The following UMAD1 variants were observed in gnomAD, a reference collection of about 807,000 sequenced individuals.
UMAD1 encodes UBAP1-MVB12-associated (UMA) domain containing 1, also known as UBAP1-MVB12-associated (UMA)-domain containing protein 1.
In UMAD1, 8 loss-of-function variants were observed where a neutral mutation model predicts 6.1. That is an observed-to-expected ratio of 1.30 (90% CI 0.76 to 2.35). The LOEUF (loss-of-function observed/expected upper bound fraction) is 2.35. Ranked by LOEUF, UMAD1 falls within the 30% of genes most tolerant of loss-of-function variation. The pLI is 0.00. For synonymous variants in UMAD1, 56 were observed against 31.4 expected (o/e 1.78, Z -2.61); for missense variants, 130 against 78.4 (o/e 1.66, Z -2.49).
intron 2 of UMAD1, among the ~76,000 whole-genome samples, chr7:7,780,558 C>T (rs984806183): frequency 5.9e-5 from 9 of 152,152 alleles, no homozygotes; most frequent in Admixed American, 1.3e-4. Flanking sequence ...CACAAAATGT[C>T]GTTAGCGTCC....
chr7:7,671,537 C>T (rs751788474), intron 1 of UMAD1, among the ~76,000 whole-genome samples: 3 of 152,096 alleles, frequency 2.0e-5, no homozygotes, highest in Non-Finnish European at 4.4e-5. Flanking sequence ...TTTAACTGTT[C>T]GAGGTTGAAA....
At chr7:7,848,951 T>G (rs939593838) in intron 3 of UMAD1, among the ~76,000 whole-genome samples, 1 of 152,184 alleles carries the variant, frequency 6.6e-6, no homozygotes, top group African/African-American at 2.4e-5. Context: ...TCTTAAAGTA[T>G]TATTGTTCTA....
chr7:7,656,825 T>C (rs1205020468), intron 1 of UMAD1, among the ~76,000 whole-genome samples: 1 of 152,230 alleles, frequency 6.6e-6, no homozygotes, highest in Non-Finnish European at 1.5e-5. Flanking sequence ...TTTGGGTATA[T>C]ACCCAGTAAT....
chr7:7,790,437 A>C (rs1280754375), intron 2 of UMAD1, among the ~76,000 whole-genome samples: 1 of 152,202 alleles, frequency 6.6e-6, no homozygotes, highest in Non-Finnish European at 1.5e-5. Flanking sequence ...CCCAACTAAA[A>C]GTCTCATAAA....
At chr7:7,723,817 A>G (rs374687221) in intron 2 of UMAD1, among the ~76,000 whole-genome samples, 2 of 152,218 alleles carry the variant, frequency 1.3e-5, no homozygotes, top group Non-Finnish European at 2.9e-5. Context: ...GCAAAGCAAC[A>G]ATCAGAATAG....
intron 2 of UMAD1, among the ~76,000 whole-genome samples, chr7:7,727,806 G>A (rs1781169267): frequency 6.6e-6 from 1 of 152,118 alleles, no homozygotes; most frequent in Non-Finnish European, 1.5e-5. Context: ...ACTTGAACTG[G>A]CTTCCTTGCT....
intron 1 of UMAD1, among the ~76,000 whole-genome samples, chr7:7,646,454 T>C (rs1272110182): frequency 6.6e-6 from 1 of 150,848 alleles, no homozygotes; most frequent in Non-Finnish European, 1.5e-5. Flanking sequence ...TCTGATGGCT[T>C]TATAAGGGGA....
chr7:7,692,954 T>A (rs1008632240), intron 2 of UMAD1, among the ~76,000 whole-genome samples: 3 of 152,216 alleles, frequency 2.0e-5, no homozygotes, highest in Admixed American at 2.0e-4. Context: ...CTTTTTGTTA[T>A]GTATATTTTA....
At chr7:7,644,002 C>G (rs901756465) in intron 1 of UMAD1, among the ~76,000 whole-genome samples, 2 of 152,092 alleles carry the variant, frequency 1.3e-5, no homozygotes, top group African/African-American at 4.8e-5. Context: ...TAACTTGGAT[C>G]TCTGCCACTA....
intron 2 of UMAD1, among the ~76,000 whole-genome samples, chr7:7,795,100 C>A (rs1782648041): frequency 1.3e-5 from 2 of 152,206 alleles, no homozygotes; most frequent in African/African-American, 4.8e-5. Flanking sequence ...CCAATATATA[C>A]CTTACATGTA....
At chr7:7,753,839 A>G (rs1221947030) in intron 2 of UMAD1, among the ~76,000 whole-genome samples, 1 of 152,100 alleles carries the variant, frequency 6.6e-6, no homozygotes, top group African/African-American at 2.4e-5. Context: ...TAGTTTTTTG[A>G]GGTACCTCCA....
chr7:7,702,477 A>G (rs1053523246), intron 2 of UMAD1, among the ~76,000 whole-genome samples: 4 of 152,088 alleles, frequency 2.6e-5, no homozygotes, highest in African/African-American at 9.7e-5. Context: ...TTTCAAGTAC[A>G]CTCCAATAGC....
intron 3 of UMAD1, among the ~76,000 whole-genome samples, chr7:7,866,565 A>G (rs1379231708): frequency 1.3e-5 from 2 of 152,224 alleles, no homozygotes; most frequent in Non-Finnish European, 2.9e-5. Flanking sequence ...TCAGAACTAA[A>G]GAGAAAGTGT....
intron 2 of UMAD1, among the ~76,000 whole-genome samples, chr7:7,783,030 A>G (rs942942047): frequency 1.8e-4 from 27 of 152,128 alleles, no homozygotes; most frequent in Non-Finnish European, 4.4e-5. Flanking sequence ...ATCGTGCCCA[A>G]CCTAGTGTAT....
At chr7:7,706,418 G>T (rs1458264770) in intron 2 of UMAD1, among the ~76,000 whole-genome samples, 1 of 152,078 alleles carries the variant, frequency 6.6e-6, no homozygotes, top group Non-Finnish European at 1.5e-5. Flanking sequence ...CAGAGCATGG[G>T]AACTGTACTA....
At chr7:7,683,114 C>T (rs2115124835) in intron 2 of UMAD1, among the ~76,000 whole-genome samples, 1 of 152,310 alleles carries the variant, frequency 6.6e-6, no homozygotes, top group Non-Finnish European at 1.5e-5. Context: ...TACTCAGAGG[C>T]AGAACTGAGC....
intron 2 of UMAD1, chr7:7,772,592 A>T (rs1782122765): frequency 6.6e-6 from 1 of 152,238 alleles, no homozygotes; most frequent in Non-Finnish European, 1.5e-5. Flanking sequence ...GGCTTGAAAA[A>T]ATTGGCTTTG....
At chr7:7,664,376 C>G (rs964223178) in intron 1 of UMAD1, among the ~76,000 whole-genome samples, 17 of 152,138 alleles carry the variant, frequency 1.1e-4, no homozygotes, top group African/African-American at 4.1e-4. Flanking sequence ...TACATTTAAT[C>G]TCTCTTAAAT....
At chr7:7,744,930 G>A (rs1457641066) in intron 2 of UMAD1, among the ~76,000 whole-genome samples, 7 of 152,080 alleles carry the variant, frequency 4.6e-5, no homozygotes, top group Admixed American at 4.6e-4. Flanking sequence ...TGACCCCTGT[G>A]CACAGTCGGA....
Sources: gnomAD v4.1 joint callset for allele counts (sites outside exome capture counted in the v4.1 genomes callset) on GRCh38, gnomAD v4.1.1 for gene constraint, MANE v1.5 for transcripts, NCBI Gene and HGNC (gene_info 2026-07-23, HGNC 2026-07-21) for gene names.